TBC1D22B: variants seen among roughly 807,000 people sequenced by gnomAD.
TBC1D22B encodes TBC1 domain family member 22B, also known as chromosome 6 open reading frame 197.
In TBC1D22B, 32 loss-of-function variants were observed where a neutral mutation model predicts 69.1. The ratio of observed to expected loss-of-function variants is 0.46; its 90% CI spans 0.35 to 0.62. The LOEUF (loss-of-function observed/expected upper bound fraction) is 0.62, where lower values mean the gene tolerates loss of function less well. Ranked by LOEUF, TBC1D22B falls within the 20% of genes least tolerant of loss-of-function variation. TBC1D22B has a pLI of 0.00. For synonymous variants in TBC1D22B, 206 were observed against 229.8 expected, an observed-to-expected ratio of 0.90 and a Z score of 0.94; for missense variants, 462 against 630.9, an observed-to-expected ratio of 0.73 and a Z score of 2.87.
chr6:37,321,214 A>G (rs1025194051), intron 12 of TBC1D22B, among the ~76,000 whole-genome samples: 18 of 151,330 alleles, frequency 1.2e-4, no homozygotes, highest in African/African-American at 4.4e-4. Flanking sequence ...TTTTTTTTTA[A>G]GTAACCAGGC....
chr6:37,267,371 TACAC>T (rs1562039537), intron 1 of TBC1D22B, among the ~76,000 whole-genome samples: 1 of 83,672 alleles, frequency 1.2e-5, no homozygotes, highest in Admixed American at 1.7e-4. Context: ...ATAATATATA[TACAC>T]ACATATATAA....
chr6:37,309,319 G>A (rs999491997), intron 8 of TBC1D22B, among the ~76,000 whole-genome samples: 3 of 152,226 alleles, frequency 2.0e-5, no homozygotes, highest in African/African-American at 7.2e-5. Context: ...GGGCTGGTGT[G>A]ACAGCGATGC....
intron 8 of TBC1D22B, among the ~76,000 whole-genome samples, chr6:37,299,351 A>G (rs998094536): frequency 1.3e-5 from 2 of 152,226 alleles, no homozygotes; most frequent in Admixed American, 6.5e-5. Flanking sequence ...TGAATCATAT[A>G]AATTGTTAAT....
rs563869754 is a variant in TBC1D22B at position 37,269,089 on chromosome 6, G to A, written c.57-505G>A. ...GTGAAAATACTGGGTCTTAGGGTATGCATATTTCATTCTTCCTAGATATGG... is the reference window on the plus strand; with the variant it reads ...GTGAAAATACTGGGTCTTAGGGTATACATATTTCATTCTTCCTAGATATGG... On this transcript the variant is annotated intron_variant, in intron 1 of 12. Transcript: ENST00000373491. 2.6e-4 allele frequency among the ~76,000 whole-genome samples: 40 copies of A among 152,082 alleles called. 1 individual carries two copies. The highest frequency in any genetic ancestry group is 3.7e-4 in the Non-Finnish European group (25 of 68,026).
At chr6:37,258,125 A>G in intron 1 of TBC1D22B, 152 bp downstream of exon 1, 1 of 860,686 alleles carries the variant, frequency 1.2e-6, no homozygotes, top group Non-Finnish European at 1.7e-6. Flanking sequence ...GCTGTCAGGC[A>G]GCGAAGCGAA....
At chr6:37,296,027 A>C (rs1408257375) in intron 8 of TBC1D22B, among the ~76,000 whole-genome samples, 1 of 152,254 alleles carries the variant, frequency 6.6e-6, no homozygotes, top group Non-Finnish European at 1.5e-5. Flanking sequence ...CATTGAGGCA[A>C]GATCCTCCAC....
intron 1 of TBC1D22B, among the ~76,000 whole-genome samples, chr6:37,261,944 AGT>A (rs70977641): frequency 0.017 from 1,969 of 118,748 alleles, 17 homozygotes; most frequent in Middle Eastern, 0.036. Flanking sequence ...AGCTTTGGTC[AGT>A]GTGTGTGTGT....
intron 8 of TBC1D22B, among the ~76,000 whole-genome samples, chr6:37,300,894 G>GTACAGCAGATCTCTAGAACATA (rs1767546082): frequency 6.6e-6 from 1 of 152,148 alleles, no homozygotes; most frequent in Admixed American, 6.5e-5. Flanking sequence ...GCACATGGTT[G>GTACAGCAGATCTCTAGAACATA]TACAGCAGAT....
rs190997375 is a variant in TBC1D22B at position 37,319,998 on chromosome 6, T to C, written c.1389+2792T>C. Among the ~76,000 whole-genome samples, 10 of 152,256 alleles carry C rather than the reference T, an allele frequency of 6.6e-5. No homozygotes were observed. The East Asian group carries it at 9.6e-4, about 15-fold the overall frequency. ...TACAGGTATTGTAAAAAACCAAACA[T>C]GTCCAGCCTAGGAGAGAAGTTTTAG... On this transcript the variant is annotated intron_variant, in intron 12 of 12. Coordinates refer to ENST00000373491, the MANE Select transcript of TBC1D22B (RefSeq NM_017772.4).
chr6:37,324,736 A>G (rs942192691), intron 12 of TBC1D22B, among the ~76,000 whole-genome samples: 2 of 152,100 alleles, frequency 1.3e-5, no homozygotes, highest in Non-Finnish European at 2.9e-5. Flanking sequence ...CTTCTACTTT[A>G]TGCCTTACTT....
chr6:37,318,303 G>A (rs1581630683), intron 12 of TBC1D22B, among the ~76,000 whole-genome samples: 1 of 152,196 alleles, frequency 6.6e-6, no homozygotes, highest in African/African-American at 2.4e-5. Flanking sequence ...ACAACAGAAA[G>A]GGGTGAGTCT....
intron 1 of TBC1D22B, among the ~76,000 whole-genome samples, chr6:37,259,457 T>G (rs1366590865): frequency 1.3e-5 from 2 of 152,082 alleles, no homozygotes; most frequent in African/African-American, 4.8e-5. Context: ...AAGATTATAA[T>G]CATAATCAAT....
intron 12 of TBC1D22B, among the ~76,000 whole-genome samples, chr6:37,319,816 A>G (rs1231355714): frequency 6.6e-6 from 1 of 152,248 alleles, no homozygotes; most frequent in Non-Finnish European, 1.5e-5. Flanking sequence ...TTTAGGAGAC[A>G]GAATCATGGC....
Position 37,300,006 on chromosome 6 carries a change from C to CAAA in TBC1D22B, c.982+8666_982+8668dup, listed in dbSNP as rs764261176. Among the ~76,000 whole-genome samples the CAAA allele has an allele frequency of 3.0e-4, 23 of 77,082 alleles. No homozygotes were observed. The South Asian group carries it at 3.5e-3, about 12-fold the overall frequency. 50.6% of individuals were successfully genotyped at this position (77,082 alleles called of 152,430 possible). A position where few individuals can be genotyped will look rare whatever the true frequency, so the allele number is the denominator to read the frequency against. ...CCTGGGTGACAGAGTGAGACTCTGT[C>CAAA]AAAAAAAAAAAAAAAAAAAGATTAC... is the stretch of plus-strand genomic sequence containing the variant. On this transcript the variant is annotated intron_variant, in intron 8 of 12. Coordinates refer to ENST00000373491, the MANE Select transcript of TBC1D22B (RefSeq NM_017772.4).
At chr6:37,282,471 C>T (rs1168048100) in intron 4 of TBC1D22B, 107 bp downstream of exon 4, 22 of 1,302,532 alleles carry the variant, frequency 1.7e-5, no homozygotes, top group Non-Finnish European at 2.3e-5. Context: ...TTTCTAGCTT[C>T]TCCTGACCTG....
intron 7 of TBC1D22B, among the ~76,000 whole-genome samples, 180 bp downstream of exon 7, chr6:37,287,252 C>T (rs1349801315): frequency 6.6e-6 from 1 of 152,178 alleles, no homozygotes; most frequent in Non-Finnish European, 1.5e-5. Flanking sequence ...AGCGGAATAA[C>T]ACTTTGAAAG....
chr6:37,286,960 A>G, intron 6 of TBC1D22B, 47 bp from the exon 7 acceptor site: 1 of 1,570,002 alleles, frequency 6.4e-7, no homozygotes, highest in Non-Finnish European at 8.7e-7. Flanking sequence ...AACAAAAACA[A>G]AAAAAAACTG....
chr6:37,329,837 G>A (rs912813528), intron 12 of TBC1D22B, among the ~76,000 whole-genome samples: 1 of 152,198 alleles, frequency 6.6e-6, no homozygotes, highest in African/African-American at 2.4e-5. Flanking sequence ...GCAAAACCTA[G>A]AAGTTACACC....
At position 37,279,540 on chromosome 6, in the gene TBC1D22B, C is replaced by T. The variant is rs775581338; in HGVS notation, c.350C>T (p.Thr117Met). The change falls in exon 3 of 13, where the codon ACG becomes ATG. Residue 117 changes from threonine to methionine, a missense_variant. By Grantham distance (81) the Thr-to-Met change is moderately conservative. Around this residue, in one of 2 missense-constraint regions of TBC1D22B, gnomAD observed 237 missense variants for 255.4 expected, o/e 0.93. Coordinates refer to ENST00000373491, the MANE Select transcript of TBC1D22B (RefSeq NM_017772.4). ...LRVKPERSQS[T>M]TSDVPANYKV... ...GTAAAACCAGAACGGTCCCAGTCAA[C>T]GACATCGGACGTCCCTGCCAACTAC... 1.1e-5 allele frequency: 18 copies of T among 1,614,218 alleles called. No homozygotes were observed. The highest frequency in any genetic ancestry group is 1.6e-4 in the Middle Eastern group (1 of 6,062).
Sources: gnomAD v4.1 joint callset for allele counts (sites outside exome capture counted in the v4.1 genomes callset) on GRCh38, gnomAD v4.1.1 for gene constraint, gnomAD v4.1.1 regional missense constraint, MANE v1.5 for transcripts, NCBI Gene and HGNC (gene_info 2026-07-23, HGNC 2026-07-21) for gene names.